Variants in NELL1 observed in about 807,000 individuals in gnomAD.
NELL1 encodes the protein protein kinase C-binding protein NELL1.
NELL1 carries 76 observed loss-of-function variants against 107.4 expected under a neutral mutation model. The ratio of observed to expected loss-of-function variants is 0.71; its 90% CI spans 0.59 to 0.86. NELL1 has a LOEUF of 0.86. NELL1 is among the 40% of genes least tolerant of loss of function. The pLI is 0.00. For missense variants in NELL1, 1,024 were observed against 1,005.5 expected (o/e 1.02, Z -0.25); for synonymous variants, 353 against 341.2 (o/e 1.03, Z -0.38).
intron 3 of NELL1, among the ~76,000 whole-genome samples, chr11:20,795,906 T>C (rs1196744959): frequency 6.6e-6 from 1 of 152,204 alleles, no homozygotes; most frequent in Non-Finnish European, 1.5e-5. Context: ...GATCTATCAA[T>C]TGCTAGATGT....
intron 13 of NELL1, among the ~76,000 whole-genome samples, chr11:21,129,989 C>A (rs1855577912): frequency 6.6e-6 from 1 of 152,104 alleles, no homozygotes; most frequent in South Asian, 2.1e-4. Context: ...AAGATCTCTT[C>A]CCATTAGTAA....
intron 13 of NELL1, among the ~76,000 whole-genome samples, chr11:21,154,814 A>G (rs573292535): frequency 2.0e-5 from 3 of 152,228 alleles, no homozygotes; most frequent in East Asian, 1.9e-4. Flanking sequence ...TTAATTTGGG[A>G]AAAATATGTA....
intron 1 of NELL1, among the ~76,000 whole-genome samples, chr11:20,677,317 G>A (rs1402603350): frequency 1.3e-5 from 2 of 152,112 alleles, no homozygotes; most frequent in East Asian, 1.9e-4. Flanking sequence ...TACTGGTGGT[G>A]GTGGGTCAGA....
chr11:20,911,209 T>C (rs893058869), intron 5 of NELL1, among the ~76,000 whole-genome samples: 1 of 152,222 alleles, frequency 6.6e-6, no homozygotes, highest in African/African-American at 2.4e-5. Context: ...TTCAGAGACT[T>C]GGACAATCAT....
Position 21,373,802 on chromosome 11 carries a change from C to T in NELL1, c.1645+2854C>T, listed in dbSNP as rs1261043953. 3.3e-5 allele frequency among the ~76,000 whole-genome samples: 5 copies of T among 152,104 alleles called. No homozygotes were observed. In the East Asian group the frequency reaches 7.7e-4, roughly 24 times the overall value. On this transcript the variant is annotated intron_variant, in intron 15 of 19. Transcript: ENST00000357134. The stretch of plus-strand genomic sequence containing the variant: ...TAAACAACGTATAATTCTAGTTCTT[C>T]TCCTACCCTTCAACTTCCTTCTCTG...
chr11:20,913,646 G>T (rs920480165), intron 5 of NELL1, among the ~76,000 whole-genome samples: 6 of 151,860 alleles, frequency 4.0e-5, no homozygotes, highest in African/African-American at 1.2e-4. Flanking sequence ...GGAGGTACAG[G>T]GTGGCAACAG....
At chr11:21,291,790 G>A (rs903959497) in intron 14 of NELL1, among the ~76,000 whole-genome samples, 9 of 151,876 alleles carry the variant, frequency 5.9e-5, no homozygotes, top group Non-Finnish European at 1.3e-4. Context: ...ATCAAAAAAC[G>A]TAACCCATCA....
At chr11:20,911,217 C>A (rs542786960) in intron 5 of NELL1, among the ~76,000 whole-genome samples, 1 of 152,308 alleles carries the variant, frequency 6.6e-6, no homozygotes, top group Admixed American at 6.5e-5. Context: ...CTTGGACAAT[C>A]ATTTTGCTGC....
chr11:20,882,978 G>T (rs1038306076), intron 4 of NELL1, among the ~76,000 whole-genome samples: 3 of 152,128 alleles, frequency 2.0e-5, no homozygotes, highest in African/African-American at 7.2e-5. Flanking sequence ...TTCATGATTA[G>T]ATTTCCTCCT....
At chr11:21,385,715 A>C (rs1247073510) in intron 15 of NELL1, among the ~76,000 whole-genome samples, 1 of 151,970 alleles carries the variant, frequency 6.6e-6, no homozygotes, top group East Asian at 1.9e-4. Context: ...GAAAAAACTT[A>C]AATGGTTTCC....
chr11:20,880,953 C>T (rs1849396626), intron 4 of NELL1, among the ~76,000 whole-genome samples: 1 of 152,078 alleles, frequency 6.6e-6, no homozygotes, highest in Admixed American at 6.6e-5. Flanking sequence ...GGTGGAGGGG[C>T]AGGCTTAGAA....
intron 14 of NELL1, among the ~76,000 whole-genome samples, chr11:21,264,770 CGT>C (rs1194858468): frequency 1.3e-5 from 2 of 151,298 alleles, no homozygotes; most frequent in African/African-American, 2.4e-5. Flanking sequence ...TGTGTGCGTG[CGT>C]GTGTTGAACT....
intron 15 of NELL1, among the ~76,000 whole-genome samples, chr11:21,429,560 T>A (rs1852916888): frequency 6.6e-6 from 1 of 152,142 alleles, no homozygotes; most frequent in Non-Finnish European, 1.5e-5. Flanking sequence ...AAATATGACT[T>A]GGTATTTCAA....
chr11:21,170,922 T>C (rs956886762), intron 13 of NELL1, among the ~76,000 whole-genome samples: 1 of 151,702 alleles, frequency 6.6e-6, no homozygotes, highest in African/African-American at 2.4e-5. Context: ...CTGATCATTA[T>C]AAAATAGGTA....
At chr11:21,179,579 C>G (rs1856783619) in intron 13 of NELL1, among the ~76,000 whole-genome samples, 3 of 151,866 alleles carry the variant, frequency 2.0e-5, no homozygotes, top group Admixed American at 1.3e-4. Flanking sequence ...CATTTTAAGT[C>G]TTTGCTTATG....
chr11:21,021,370 A>G (rs2134302655), intron 12 of NELL1, among the ~76,000 whole-genome samples: 1 of 152,172 alleles, frequency 6.6e-6, no homozygotes, highest in Admixed American at 6.6e-5. Context: ...GCCATGAATG[A>G]TCAATTAACT....
chr11:21,122,918 C>T (rs532592719), intron 13 of NELL1, among the ~76,000 whole-genome samples: 2 of 152,248 alleles, frequency 1.3e-5, no homozygotes, highest in African/African-American at 4.8e-5. Flanking sequence ...TTCAGCTGCT[C>T]CATGAAATCC....
intron 5 of NELL1, among the ~76,000 whole-genome samples, chr11:20,894,927 T>A (rs1051603747): frequency 6.6e-6 from 1 of 152,020 alleles, no homozygotes; most frequent in Non-Finnish European, 1.5e-5. Flanking sequence ...TGCCTGAGTA[T>A]AATACATTTT....
At chr11:20,693,480 TG>T (rs1272696109) in intron 2 of NELL1, among the ~76,000 whole-genome samples, 2 of 152,150 alleles carry the variant, frequency 1.3e-5, no homozygotes, top group Non-Finnish European at 2.9e-5. Flanking sequence ...AGGGCAGGCC[TG>T]GGTTGACAAA....
Sources: allele counts gnomAD v4.1 joint callset (sites outside exome capture counted in the v4.1 genomes callset), GRCh38; gene constraint gnomAD v4.1.1; transcripts MANE v1.5; gene names NCBI Gene and HGNC (gene_info 2026-07-23, HGNC 2026-07-21).